Variants in NOD2 observed in about 807,000 individuals in gnomAD.
NOD2 encodes the protein nucleotide-binding oligomerization domain-containing protein 2.
In NOD2, 86 loss-of-function variants were observed where a neutral mutation model predicts 90.9. The observed-to-expected ratio is 0.95, with a 90% confidence interval of 0.79 to 1.13. The LOEUF is 1.13. NOD2 is among the 50% of genes most tolerant of loss of function. NOD2 has a pLI of 0.00. For synonymous variants in NOD2, 581 were observed against 554.6 expected, an observed-to-expected ratio of 1.05 and a Z score of -0.67; for missense variants, 1,238 against 1,283.8, an observed-to-expected ratio of 0.96 and a Z score of 0.55.
chr16:50,713,868 C>T (rs760622415), intron 4 of NOD2, among the ~76,000 whole-genome samples: 5 of 152,272 alleles, frequency 3.3e-5, no homozygotes, highest in South Asian at 2.1e-4. Context: ...TCAGGGAGGC[C>T]GAGTGGGCTG....
intron 10 of NOD2, chr16:50,727,806 G>T: frequency 2.8e-6 from 1 of 354,254 alleles, no homozygotes; most frequent in Non-Finnish European, 5.6e-6. Context: ...TTGACTTGCC[G>T]AGCATACTTC....
At chr16:50,703,795 C>T (rs1208243664) in intron 2 of NOD2, among the ~76,000 whole-genome samples, 1 of 152,038 alleles carries the variant, frequency 6.6e-6, no homozygotes, top group Non-Finnish European at 1.5e-5. Context: ...TTTTCCTTCC[C>T]TGGGAATTTA....
At chr16:50,731,608 C>T in intron 11 of NOD2, 139 bp from the exon 12 acceptor site, 1 of 703,520 alleles carries the variant, frequency 1.4e-6, no homozygotes, top group South Asian at 1.5e-5. Context: ...ACAGCCCTGA[C>T]TTCCCTGCAA....
chr16:50,697,239 C>T (rs911202467), intron 1 of NOD2: 3 of 1,554,850 alleles, frequency 1.9e-6, no homozygotes, highest in African/African-American at 1.4e-5. Context: ...GCCTAATGGG[C>T]TTTGATGGGG....
chr16:50,711,228 C>T lies in NOD2; in HGVS notation c.1236C>T (p.Arg412=), dbSNP rs777034157. 1.9e-6 allele frequency: 3 copies of T among 1,614,020 alleles called. No individual in the cohort carries two copies. The highest frequency in any genetic ancestry group is 2.7e-5 in the African/African-American group (2 of 75,068). Residue 412 remains arginine, a synonymous_variant, in exon 4 of 12, where the codon CGC becomes CGT. Coordinates refer to ENST00000647318, the MANE Select transcript of NOD2 (RefSeq NM_001370466.1). ...CGGCGTTCCTCAGGAAGTACATCCG[C>T]ACCGAGTTCAACCTCAAGGGCTTCT... ...AVSAFLRKYI[R]TEFNLKGFSE... is the part of the protein sequence containing the mutation.
chr16:50,729,378 A>T (rs1402653761), intron 10 of NOD2, among the ~76,000 whole-genome samples: 5 of 151,976 alleles, frequency 3.3e-5, no homozygotes, highest in African/African-American at 1.2e-4. Context: ...AAGGAGATGG[A>T]TGGTGGATGT....
At chr16:50,714,657 A>C (rs1964701458) in intron 4 of NOD2, among the ~76,000 whole-genome samples, 1 of 151,582 alleles carries the variant, frequency 6.6e-6, no homozygotes, top group Non-Finnish European at 1.5e-5. Flanking sequence ...AGAGAGAGAG[A>C]GAGATTGAGA....
In NOD2 at chr16:50,697,712, G is replaced by C. The variant is rs888320372; in HGVS notation, c.-8-1776G>C. ...GGCTTCCAGTGGCCTCTGCAGGGGG[G>C]TACACCCTCTCTCCCAAGCAGCCAG... On this transcript the variant is annotated intron_variant, in intron 1 of 11. Transcript: ENST00000647318. The C allele has an allele frequency of 1.5e-5, 5 of 332,284 alleles. No individual in the cohort carries two copies. The Admixed American group carries it at 1.7e-4, about 11-fold the overall frequency. The allele number at this position is 332,284 out of a possible 1,614,324, so 20.6% of individuals were successfully genotyped here. A position where few individuals can be genotyped will look rare whatever the true frequency, so the allele number is the denominator to read the frequency against.
At chr16:50,716,722 C>A in intron 5 of NOD2, 52 bp downstream of exon 5, 1 of 1,576,320 alleles carries the variant, frequency 6.3e-7, no homozygotes, top group Non-Finnish European at 8.7e-7. Flanking sequence ...TGGTCTCACC[C>A]CAGGTCGTGC....
intron 7 of NOD2, 29 bp downstream of exon 7, chr16:50,720,037 G>A (rs1964982103): frequency 1.3e-6 from 2 of 1,590,122 alleles, no homozygotes; most frequent in African/African-American, 1.3e-5. Context: ...AGAGGGACCT[G>A]CATGGAGGGG....
At chr16:50,704,624 C>T (rs1365412171) in intron 2 of NOD2, among the ~76,000 whole-genome samples, 1 of 151,806 alleles carries the variant, frequency 6.6e-6, no homozygotes, top group Admixed American at 6.6e-5. Flanking sequence ...ACCTCCACCT[C>T]CTGGGTTTAA....
chr16:50,722,861 C>G (rs1012989610), intron 8 of NOD2, among the ~76,000 whole-genome samples, 156 bp downstream of exon 8: 1 of 152,204 alleles, frequency 6.6e-6, no homozygotes. Flanking sequence ...AGAGAGGACA[C>G]TCGAGTCTTT....
At chr16:50,707,727 C>T (rs972612144) in intron 2 of NOD2, 128 bp from the exon 3 acceptor site, 6 of 749,222 alleles carry the variant, frequency 8.0e-6, no homozygotes, top group African/African-American at 5.1e-5. Flanking sequence ...TGTGGTTGTT[C>T]GGTTGTTTTT....
chr16:50,714,608 GT>G (rs1259555924), intron 4 of NOD2, among the ~76,000 whole-genome samples: 34 of 146,512 alleles, frequency 2.3e-4, no homozygotes, highest in African/African-American at 8.7e-4. Context: ...TGCACTGTGT[GT>G]GTGTGTGTGT....
intron 3 of NOD2, chr16:50,710,058 C>T (rs776852645): frequency 8.8e-6 from 4 of 452,780 alleles, no homozygotes; most frequent in South Asian, 6.3e-5. Flanking sequence ...GCCCTTAAGC[C>T]CTTTGTTCCC....
At chr16:50,708,025 C>A in intron 3 of NOD2, 65 bp downstream of exon 3, 1 of 1,094,586 alleles carries the variant, frequency 9.1e-7, no homozygotes, top group Non-Finnish European at 1.4e-6. Flanking sequence ...TGGTTAAGAG[C>A]AGAACACACC....
chr16:50,705,196 G>A (rs1964129295), intron 2 of NOD2, among the ~76,000 whole-genome samples: 1 of 152,136 alleles, frequency 6.6e-6, no homozygotes, highest in Admixed American at 6.5e-5. Flanking sequence ...TTTGCAAGGG[G>A]TAGGTTTGAC....
chr16:50,713,389 G>C (rs1242030776), intron 4 of NOD2: 1 of 152,104 alleles, frequency 6.6e-6, no homozygotes, highest in Non-Finnish European at 1.5e-5. Flanking sequence ...TTTCATCATG[G>C]ACCAAACACA....
At position 50,721,921 on chromosome 16, in the gene NOD2, C is replaced by CT. The variant is rs544861039; in HGVS notation, c.2634-700dup. Among the ~76,000 whole-genome samples, 433 of 152,330 alleles carry CT rather than the reference C, an allele frequency of 2.8e-3. 3 individuals carry two copies. Among genetic ancestry groups the CT allele is most frequent in the African/African-American group, 0.01 (422 of 41,566 alleles). ...CATATCCCTGGGGCACAGAGCAGTG[C>CT]TGGCACATAGCCAGAGCTCAATCGA... On this transcript the variant is annotated intron_variant, in intron 7 of 11. Transcript: ENST00000647318.
Sources: allele counts gnomAD v4.1 joint callset (sites outside exome capture counted in the v4.1 genomes callset), GRCh38; gene constraint gnomAD v4.1.1; transcripts MANE v1.5; gene names NCBI Gene and HGNC (gene_info 2026-07-23, HGNC 2026-07-21).